The following STAG1 variants were observed in gnomAD, a reference collection of about 807,000 sequenced individuals.
The protein encoded by STAG1 is STAG1 cohesin complex component, also known as cohesin subunit SA-1.
Under a neutral mutation model 170.9 loss-of-function variants are expected in STAG1, and 26 were observed. The observed-to-expected ratio is 0.15, with a 90% CI of 0.11 to 0.21. STAG1 has a LOEUF of 0.21. Among genes scored for constraint, STAG1 ranks in the 10% least tolerant of loss-of-function variants. The pLI is 1.00. For missense variants in STAG1, 964 were observed against 1,509.5 expected (o/e 0.64, Z 5.99); for synonymous variants, 514 against 497.7 (o/e 1.03, Z -0.44).
chr3:136,705,610 A>C (rs1401617547), intron 1 of STAG1, among the ~76,000 whole-genome samples: 1 of 152,222 alleles, frequency 6.6e-6, no homozygotes, highest in South Asian at 2.1e-4. Context: ...TAATGAATAT[A>C]AGTCTCATGA....
At chr3:136,553,401 T>C (rs142495029) in intron 5 of STAG1, among the ~76,000 whole-genome samples, 5 of 152,206 alleles carry the variant, frequency 3.3e-5, no homozygotes, top group African/African-American at 1.2e-4. Flanking sequence ...TGAAAAACAA[T>C]ACTCCCTGCC....
At chr3:136,547,715 C>A (rs957866363) in intron 5 of STAG1, among the ~76,000 whole-genome samples, 5 of 152,120 alleles carry the variant, frequency 3.3e-5, no homozygotes, top group African/African-American at 1.2e-4. Context: ...TATGTATATA[C>A]TGCATTTTAT....
intron 19 of STAG1, among the ~76,000 whole-genome samples, chr3:136,422,087 C>A (rs545541906): frequency 6.9e-6 from 1 of 145,788 alleles, no homozygotes; most frequent in African/African-American, 2.6e-5. Context: ...GCGGAGGTTG[C>A]GGTGAGCAAC....
intron 4 of STAG1, among the ~76,000 whole-genome samples, chr3:136,588,685 T>G (rs1937974517): frequency 6.6e-6 from 1 of 151,960 alleles, no homozygotes; most frequent in Admixed American, 6.6e-5. Flanking sequence ...TGGAGTGCAG[T>G]GGCGCCATCT....
At chr3:136,422,371 T>C in intron 19 of STAG1, 39 bp downstream of exon 19, 1 of 1,559,474 alleles carries the variant, frequency 6.4e-7, no homozygotes, top group Non-Finnish European at 8.8e-7. Context: ...TAATTCTCAG[T>C]CAATATTATT....
intron 13 of STAG1, among the ~76,000 whole-genome samples, chr3:136,460,696 A>G (rs1576488164): frequency 6.6e-6 from 1 of 152,034 alleles, no homozygotes; most frequent in Non-Finnish European, 1.5e-5. Context: ...CCCCCAAAAA[A>G]AAAAGCCCGG....
At chr3:136,739,109 C>T (rs1051111445) in intron 1 of STAG1, among the ~76,000 whole-genome samples, 2 of 152,112 alleles carry the variant, frequency 1.3e-5, no homozygotes, top group African/African-American at 4.8e-5. Context: ...AGAAATGAGG[C>T]TGAGAGAAAA....
chr3:136,403,224 T>TAAAAA (rs55678408), intron 21 of STAG1, among the ~76,000 whole-genome samples: 638 of 33,438 alleles, frequency 0.019, no homozygotes, highest in Middle Eastern at 0.029. Flanking sequence ...GAGACTGTCT[T>TAAAAA]AAAAAAAAAA....
chr3:136,550,621 C>T (rs971086818), intron 5 of STAG1, among the ~76,000 whole-genome samples: 1 of 151,958 alleles, frequency 6.6e-6, no homozygotes, highest in African/African-American at 2.4e-5. Context: ...TTTTCTTTTT[C>T]TCCATAACTC....
At chr3:136,463,796 CATAT>C (rs1559817557) in intron 13 of STAG1, among the ~76,000 whole-genome samples, 1 of 133,406 alleles carries the variant, frequency 7.5e-6, no homozygotes, top group Non-Finnish European at 1.6e-5. Flanking sequence ...CACACATATA[CATAT>C]ACATACATAT....
chr3:136,710,589 A>G (rs574873399), intron 1 of STAG1, among the ~76,000 whole-genome samples: 54 of 152,284 alleles, frequency 3.5e-4, no homozygotes, highest in African/African-American at 1.2e-3. Context: ...TGCATACTGT[A>G]TTTCACTTCG....
At chr3:136,680,437 TAG>T (rs1559947203) in intron 1 of STAG1, among the ~76,000 whole-genome samples, 1 of 151,722 alleles carries the variant, frequency 6.6e-6, no homozygotes, top group Non-Finnish European at 1.5e-5. Flanking sequence ...ATTGTATGAG[TAG>T]AGAGAAAAAG....
At chr3:136,432,695 C>A (rs541371636) in intron 16 of STAG1, among the ~76,000 whole-genome samples, 20 of 152,076 alleles carry the variant, frequency 1.3e-4, no homozygotes, top group Admixed American at 1.0e-3. Context: ...TTAGTAGAGA[C>A]GGGGTTTCAC....
chr3:136,394,115 T>C (rs2087084520), intron 22 of STAG1, among the ~76,000 whole-genome samples: 2 of 152,218 alleles, frequency 1.3e-5, no homozygotes, highest in Admixed American at 1.3e-4. Context: ...GCCATGTTGG[T>C]TAGGATAATC....
At chr3:136,526,386 A>C (rs1935030038) in intron 6 of STAG1, among the ~76,000 whole-genome samples, 1 of 152,046 alleles carries the variant, frequency 6.6e-6, no homozygotes, top group South Asian at 2.1e-4. Context: ...TGTTGGTTTA[A>C]AGTCTGTTTT....
intron 3 of STAG1, among the ~76,000 whole-genome samples, chr3:136,618,671 C>G (rs1939703328): frequency 6.6e-6 from 1 of 152,086 alleles, no homozygotes; most frequent in Non-Finnish European, 1.5e-5. Flanking sequence ...AACATAAAAT[C>G]CTGGACTAGA....
chr3:136,472,550 A>C (rs2089652517), intron 11 of STAG1, 58 bp from the exon 12 acceptor site: 1 of 1,206,944 alleles, frequency 8.3e-7, no homozygotes, highest in Non-Finnish European at 1.2e-6. Context: ...GCTGGGACAG[A>C]TCTAATATAA....
rs189412607 is a variant in STAG1 at position 136,657,429 on chromosome 3, A to G, written c.-83-26448T>C. 7.1e-3 allele frequency among the ~76,000 whole-genome samples: 1,085 copies of G among 152,042 alleles called. 18 individuals carry two copies. The highest frequency in any genetic ancestry group is 0.024 in the African/African-American group (978 of 41,490). On this transcript the variant is annotated intron_variant, in intron 1 of 33. Coordinates refer to ENST00000383202, the MANE Select transcript of STAG1 (RefSeq NM_005862.3). ...GGTCTCAAACTCCTGACCTCAAATA[A>G]TCCGCCTGCCTCAGCCTCCCAAAGT...
intron 1 of STAG1, among the ~76,000 whole-genome samples, chr3:136,711,488 G>T (rs1379917134): frequency 1.3e-5 from 2 of 152,042 alleles, no homozygotes; most frequent in Non-Finnish European, 2.9e-5. Context: ...ATAAGCCCAG[G>T]AGGTCAAGGC....
Sources: allele counts gnomAD v4.1 joint callset (sites outside exome capture counted in the v4.1 genomes callset), GRCh38; gene constraint gnomAD v4.1.1; transcripts MANE v1.5; gene names NCBI Gene and HGNC (gene_info 2026-07-23, HGNC 2026-07-21).